Variants in CHL1 observed in about 807,000 individuals in gnomAD.
The protein encoded by CHL1 is cell adhesion molecule L1 like.
Under a neutral mutation model 141.9 loss-of-function variants are expected in CHL1, and 96 were observed. The ratio of observed to expected loss-of-function variants is 0.68; its 90% CI spans 0.57 to 0.80. The LOEUF is 0.80. CHL1 is among the 30% of genes least tolerant of loss of function. The pLI is 0.00. For missense variants in CHL1, 1,820 were observed against 1,457.2 expected (o/e 1.25, Z -4.05); for synonymous variants, 613 against 502.2 (o/e 1.22, Z -2.95).
chr3:335,246 G>C (rs1220801545), intron 5 of CHL1, among the ~76,000 whole-genome samples: 1 of 152,050 alleles, frequency 6.6e-6, no homozygotes, highest in African/African-American at 2.4e-5. Context: ...TTCAATTAAG[G>C]GTGCAACTTT....
At chr3:289,757 A>C (rs1374942248) in intron 2 of CHL1, among the ~76,000 whole-genome samples, 1 of 151,662 alleles carries the variant, frequency 6.6e-6, no homozygotes, top group Non-Finnish European at 1.5e-5. Flanking sequence ...TATGCTCATT[A>C]ATACATTTAT....
Position 341,203 on chromosome 3 carries a change from T to A in CHL1, c.508+287T>A, listed in dbSNP as rs982243388. ...ATTTTAGTAATGCTCTACCTGCTAA[T>A]TGCAGTCACCTACCAGGAAATTAGT... On this transcript the variant is annotated intron_variant, in intron 6 of 27. Transcript: ENST00000256509. 2.0e-5 allele frequency among the ~76,000 whole-genome samples: 3 copies of A among 152,134 alleles called. No homozygotes were observed. In the East Asian group the frequency reaches 5.8e-4, roughly 29 times the overall value.
At chr3:304,282 T>A (rs1315373811) in intron 2 of CHL1, among the ~76,000 whole-genome samples, 1 of 152,214 alleles carries the variant, frequency 6.6e-6, no homozygotes, top group Non-Finnish European at 1.5e-5. Flanking sequence ...GATTCCCTCT[T>A]TTCCTGTTGT....
At chr3:396,592 C>T (rs1190068443) in intron 24 of CHL1, among the ~76,000 whole-genome samples, 5 of 152,120 alleles carry the variant, frequency 3.3e-5, no homozygotes, top group Non-Finnish European at 5.9e-5. Context: ...GGTGATGTGG[C>T]ATCTTTTCTT....
intron 2 of CHL1, among the ~76,000 whole-genome samples, chr3:282,128 T>G (rs143480374): frequency 0.011 from 1,669 of 152,304 alleles, 31 homozygotes; most frequent in African/African-American, 0.038. Context: ...TTTATTACCT[T>G]GTTTCTTTTG....
chr3:252,743 A>T (rs947114626), intron 2 of CHL1, among the ~76,000 whole-genome samples: 15 of 151,936 alleles, frequency 9.9e-5, no homozygotes, highest in African/African-American at 2.9e-4. Flanking sequence ...TGATGGTCTG[A>T]TTGTCCTCAA....
intron 5 of CHL1, among the ~76,000 whole-genome samples, chr3:333,122 C>CTTTTTTTTTTTTTTTTTT (rs1383301108): frequency 2.1e-4 from 3 of 14,304 alleles, no homozygotes; most frequent in Non-Finnish European, 7.5e-4. Flanking sequence ...GATAATTGCT[C>CTTTTTTTTTTTTTTTTTT]TATTTTTTTT....
In CHL1 at chr3:409,214, A is replaced by C. The variant is rs892147252; in HGVS notation, c.*3503A>C. The C allele has an allele frequency of 2.6e-5, 4 of 152,088 alleles. No homozygotes were observed. Among genetic ancestry groups the C allele is most frequent in the Non-Finnish European group, 4.4e-5 (3 of 67,974 alleles). The allele number at this position is 152,088 out of a possible 1,614,324, so 9.4% of individuals were successfully genotyped here. A position where few individuals can be genotyped will look rare whatever the true frequency, so the allele number is the denominator to read the frequency against. On this transcript the variant is annotated 3_prime_UTR_variant, in exon 28 of 28. Transcript: ENST00000256509. ...AATTGTTCGATTACGTCATCAAAAGAGATGAAAGGTATGTAGAACAGGTTC... is the reference window on the plus strand; with the variant it reads ...AATTGTTCGATTACGTCATCAAAAGCGATGAAAGGTATGTAGAACAGGTTC...
chr3:284,507 C>G (rs1012056694), intron 2 of CHL1, among the ~76,000 whole-genome samples: 2 of 152,248 alleles, frequency 1.3e-5, no homozygotes, highest in South Asian at 2.1e-4. Flanking sequence ...ATTGAGGGAG[C>G]ATAGCCCTAC....
chr3:212,927 T>TTGGC (rs1700018574), intron 1 of CHL1, among the ~76,000 whole-genome samples: 1 of 152,228 alleles, frequency 6.6e-6, no homozygotes, highest in Admixed American at 6.5e-5. Flanking sequence ...CACTTAAGAT[T>TTGGC]TTAACTGGCT....
intron 1 of CHL1, among the ~76,000 whole-genome samples, chr3:200,947 T>C (rs1050896051): frequency 2.0e-4 from 31 of 152,218 alleles, no homozygotes; most frequent in African/African-American, 7.5e-4. Flanking sequence ...TGTGTCGCAA[T>C]AGTGTAGTTA....
At chr3:313,301 A>G (rs1362421258) in intron 2 of CHL1, among the ~76,000 whole-genome samples, 9 of 152,184 alleles carry the variant, frequency 5.9e-5, no homozygotes, top group Non-Finnish European at 1.2e-4. Context: ...AATGTCAAGG[A>G]TTTTTAAAAA....
intron 2 of CHL1, among the ~76,000 whole-genome samples, chr3:291,708 A>C (rs893128911): frequency 6.6e-6 from 1 of 152,172 alleles, no homozygotes; most frequent in East Asian, 1.9e-4. Context: ...ATTTTTTTAA[A>C]ATACTGACTG....
chr3:393,567 AAAT>A (rs1429077257), intron 23 of CHL1, among the ~76,000 whole-genome samples: 2 of 152,034 alleles, frequency 1.3e-5, no homozygotes, highest in African/African-American at 2.4e-5. Context: ...TTTTAAAATA[AAAT>A]AATATATAAT....
chr3:257,448 G>A (rs1043425045), intron 2 of CHL1, among the ~76,000 whole-genome samples: 4 of 151,506 alleles, frequency 2.6e-5, no homozygotes, highest in African/African-American at 9.7e-5. Context: ...CCGCCTCCCG[G>A]GTTCAAGCAA....
intron 2 of CHL1, among the ~76,000 whole-genome samples, chr3:297,918 G>A (rs1698347848): frequency 6.6e-6 from 1 of 152,164 alleles, no homozygotes; most frequent in South Asian, 2.1e-4. Context: ...TTATAGAGCT[G>A]GATAAGGCTT....
chr3:391,620 C>G (rs548388224), intron 22 of CHL1, 55 bp from the exon 23 acceptor site: 2 of 1,326,612 alleles, frequency 1.5e-6, no homozygotes, highest in African/African-American at 3.0e-5. Flanking sequence ...TATAATAAGG[C>G]TTTTTTGAAT....
chr3:360,128 T>C (rs113386081), intron 11 of CHL1, among the ~76,000 whole-genome samples, 156 bp from the exon 12 acceptor site: 1 of 152,234 alleles, frequency 6.6e-6, no homozygotes, highest in African/African-American at 2.4e-5. Flanking sequence ...AGTCCATAGT[T>C]GATGTTCAGA....
intron 1 of CHL1, among the ~76,000 whole-genome samples, chr3:226,281 C>T (rs1409787006): frequency 6.7e-6 from 1 of 149,064 alleles, no homozygotes; most frequent in Non-Finnish European, 1.5e-5. Flanking sequence ...TTCGGCCTCC[C>T]AAAGTGCGGA....
Sources: gnomAD v4.1 joint callset for allele counts (sites outside exome capture counted in the v4.1 genomes callset) on GRCh38, gnomAD v4.1.1 for gene constraint, MANE v1.5 for transcripts, NCBI Gene and HGNC (gene_info 2026-07-23, HGNC 2026-07-21) for gene names.